DYNC2LI1: variants seen among roughly 807,000 people sequenced by gnomAD.
DYNC2LI1 encodes the protein dynein cytoplasmic 2 light intermediate chain 1, also known as cytoplasmic dynein 2 light intermediate chain 1.
DYNC2LI1 carries 45 observed loss-of-function variants against 51.9 expected under a neutral mutation model. That is an observed-to-expected ratio of 0.87 (90% CI 0.68 to 1.11). The LOEUF (loss-of-function observed/expected upper bound fraction) is 1.11, where lower values mean the gene tolerates loss of function less well. Ranked by LOEUF, DYNC2LI1 falls within the 50% of genes most tolerant of loss-of-function variation. The pLI is 0.00. For missense variants in DYNC2LI1, 490 were observed against 417.4 expected (o/e 1.17, Z -1.51); for synonymous variants, 130 against 137.8 (o/e 0.94, Z 0.40).
At chr2:43,804,558 C>T in intron 10 of DYNC2LI1, 84 bp from the exon 11 acceptor site, 1 of 882,282 alleles carries the variant, frequency 1.1e-6, no homozygotes, top group Non-Finnish European at 1.7e-6. Context: ...AGATGTATAC[C>T]TTTGTTAGTG....
chr2:43,780,491 T>G (rs1229143182), intron 2 of DYNC2LI1, among the ~76,000 whole-genome samples: 1 of 152,016 alleles, frequency 6.6e-6, no homozygotes, highest in African/African-American at 2.4e-5. Context: ...AGAGTAGTTG[T>G]TTATAGGTGG....
rs375696297 is a variant in DYNC2LI1 at position 43,796,804 on chromosome 2, A to G, written c.654+9A>G. 3 of 1,611,856 alleles carry G rather than the reference A, an allele frequency of 1.9e-6. No individual in the cohort carries two copies. Among genetic ancestry groups the G allele is most frequent in the African/African-American group, 1.3e-5 (1 of 74,868 alleles). Reference sequence around the variant, plus strand: ...ATGGAGCATCATTAATGGTTTGTACATTTCTTGTCCTTTGGGCTTGAATGG... The same window carrying G: ...ATGGAGCATCATTAATGGTTTGTACGTTTCTTGTCCTTTGGGCTTGAATGG... On this transcript the variant is annotated intron_variant, in intron 8 of 12. Coordinates refer to ENST00000260605, the MANE Select transcript of DYNC2LI1 (RefSeq NM_016008.4).
intron 3 of DYNC2LI1, among the ~76,000 whole-genome samples, chr2:43,785,575 A>G (rs781193241): frequency 6.6e-6 from 1 of 152,032 alleles, no homozygotes; most frequent in Non-Finnish European, 1.5e-5. Context: ...CTCTACTAAA[A>G]ATACAAAAAT....
chr2:43,808,547 G>T (rs1263281006), intron 12 of DYNC2LI1, among the ~76,000 whole-genome samples: 2 of 152,174 alleles, frequency 1.3e-5, no homozygotes, highest in Non-Finnish European at 2.9e-5. Flanking sequence ...GAGGCCAAGA[G>T]GCATCCCCTT....
chr2:43,792,900 C>T, intron 5 of DYNC2LI1: 1 of 1,234,054 alleles, frequency 8.1e-7, no homozygotes, highest in East Asian at 2.8e-5. Flanking sequence ...ATCCGTTAAT[C>T]CATGCAGAAC....
chr2:43,788,037 T>C (rs1037165373), intron 4 of DYNC2LI1, among the ~76,000 whole-genome samples: 1 of 152,144 alleles, frequency 6.6e-6, no homozygotes, highest in Non-Finnish European at 1.5e-5. Flanking sequence ...ACATAATATA[T>C]AGAGATACAG....
intron 12 of DYNC2LI1, among the ~76,000 whole-genome samples, chr2:43,805,862 C>G (rs1207039446): frequency 7.2e-5 from 11 of 151,958 alleles, no homozygotes; most frequent in Middle Eastern, 6.8e-3. Context: ...CACTCAAATA[C>G]TTAGATTTTT....
At chr2:43,784,432 ATTTC>A (rs1299872185) in intron 3 of DYNC2LI1, among the ~76,000 whole-genome samples, 1 of 151,892 alleles carries the variant, frequency 6.6e-6, no homozygotes, top group African/African-American at 2.4e-5. Context: ...AAAAGTATTA[ATTTC>A]TTTCTTTCTT....
the DYNC2LI1 span, among the ~76,000 whole-genome samples, chr2:43,825,174 G>A: frequency 2.6e-5 from 4 of 152,102 alleles, no homozygotes; most frequent in Non-Finnish European, 5.9e-5. Context: ...TCAGTCCTTC[G>A]ATGACCTTGG....
intron 8 of DYNC2LI1, among the ~76,000 whole-genome samples, chr2:43,797,849 G>T (rs768609888): frequency 1.3e-5 from 2 of 152,078 alleles, no homozygotes; most frequent in African/African-American, 4.8e-5. Context: ...TTTCCAGCTG[G>T]GTGCAGTGGC....
rs1673888553 is a variant in DYNC2LI1, at chr2:43,793,590, C to A, written c.321-867C>A. On this transcript the variant is annotated intron_variant, in intron 5 of 12. Transcript: ENST00000260605. ...TCTTTGGCGAAATGTCTATTTGAGTCTTTTGCCTTCTTTTTTTTTTTTTTT... is the reference window on the plus strand; with the variant it reads ...TCTTTGGCGAAATGTCTATTTGAGTATTTTGCCTTCTTTTTTTTTTTTTTT... 2.1e-5 allele frequency: 3 copies of A among 145,440 alleles called. No homozygotes were observed. In the Admixed American group the frequency reaches 2.1e-4, roughly 10 times the overall value. The allele number at this position is 145,440 out of a possible 1,614,324, so 9.0% of individuals were successfully genotyped here.
At chr2:43,774,499 G>A (rs961143145) in intron 1 of DYNC2LI1, among the ~76,000 whole-genome samples, 2 of 152,160 alleles carry the variant, frequency 1.3e-5, no homozygotes, top group Non-Finnish European at 2.9e-5. Flanking sequence ...TCCTGGTGCG[G>A]GGGTTCGCAG....
downstream of DYNC2LI1, chr2:43,813,219 G>A (rs1397945035): frequency 1.9e-6 from 3 of 1,611,938 alleles, no homozygotes; most frequent in Non-Finnish European, 2.5e-6. Context: ...TGTGAATCTA[G>A]ATGTTGCACC....
Position 43,787,198 on chromosome 2 carries a change from C to A in DYNC2LI1, c.179C>A (p.Pro60Gln). 1 of 1,613,062 alleles carries A rather than the reference C, an allele frequency of 6.2e-7. No individual in the cohort carries two copies. Among genetic ancestry groups the A allele is most frequent in the South Asian group, 1.1e-5 (1 of 90,962 alleles). Residue 60 changes from proline (P) to glutamine (Q), a missense_variant, in exon 4 of 13, where the codon CCA (proline) becomes CAA (glutamine). Physicochemically the swap from Pro to Gln is moderately conservative, Grantham distance 76 (BLOSUM62 -1). Coordinates refer to ENST00000260605, the MANE Select transcript of DYNC2LI1 (RefSeq NM_016008.4). Reference protein sequence around the residue: ...RCLDRDEPPKPTLALEYTYGR... With the variant: ...RCLDRDEPPKQTLALEYTYGR... ...TTATACAGAGATGAACCACCAAAAC[C>A]AACCTTAGCTTTGGAATATACATAT...
the DYNC2LI1 span, chr2:43,825,028 C>T: frequency 6.2e-7 from 1 of 1,613,334 alleles, no homozygotes; most frequent in Non-Finnish European, 8.5e-7. Context: ...GCTGACCAGA[C>T]AACAGACGTA....
chr2:43,777,404 A>G (rs1673073268), intron 2 of DYNC2LI1, among the ~76,000 whole-genome samples: 2 of 152,168 alleles, frequency 1.3e-5, no homozygotes, highest in Non-Finnish European at 2.9e-5. Flanking sequence ...TCTCTGTTTT[A>G]CTTGGCCAAG....
chr2:43,801,786 C>T, intron 10 of DYNC2LI1, 77 bp downstream of exon 10: 1 of 974,390 alleles, frequency 1.0e-6, no homozygotes, highest in African/African-American at 1.6e-5. Flanking sequence ...TTCACTTTGT[C>T]TCCAACATAC....
At chr2:43,813,324 A>C (rs750077360), downstream of DYNC2LI1, 9 of 1,567,660 alleles carry the variant, frequency 5.7e-6, no homozygotes, top group Non-Finnish European at 7.9e-6. Context: ...CAAGGAAAAG[A>C]TTGACAGTGT....
chr2:43,790,658 C>A (rs1487407658), intron 5 of DYNC2LI1, among the ~76,000 whole-genome samples: 1 of 151,802 alleles, frequency 6.6e-6, no homozygotes, highest in African/African-American at 2.4e-5. Flanking sequence ...GTAAAAGGAA[C>A]CAGAATCACA....
Sources: gnomAD v4.1 joint callset for allele counts (sites outside exome capture counted in the v4.1 genomes callset) on GRCh38, gnomAD v4.1.1 for gene constraint, MANE v1.5 for transcripts, NCBI Gene and HGNC (gene_info 2026-07-23, HGNC 2026-07-21) for gene names.